CNTN5: variants seen among roughly 807,000 people sequenced by gnomAD.
CNTN5 encodes the protein contactin 5, also known as contactin-5.
CNTN5 carries 77 observed loss-of-function variants against 129.1 expected under a neutral mutation model. That is an observed-to-expected ratio of 0.60 (90% CI 0.50 to 0.72). The LOEUF is 0.72. Among genes scored for constraint, CNTN5 ranks in the 30% least tolerant of loss-of-function variants. The pLI is 0.00. For synonymous variants in CNTN5, 509 were observed against 465.6 expected, an observed-to-expected ratio of 1.09 and a Z score of -1.20; for missense variants, 1,478 against 1,328.8, an observed-to-expected ratio of 1.11 and a Z score of -1.75.
intron 1 of CNTN5, among the ~76,000 whole-genome samples, chr11:99,201,044 T>TTC (rs1859153031): frequency 6.9e-6 from 1 of 145,258 alleles, no homozygotes; most frequent in South Asian, 2.3e-4. Context: ...TTTTTTTTTT[T>TTC]TCCAGAGTCT....
At chr11:99,225,625 C>A (rs1860642685) in intron 1 of CNTN5, among the ~76,000 whole-genome samples, 1 of 152,142 alleles carries the variant, frequency 6.6e-6, no homozygotes, top group East Asian at 1.9e-4. Context: ...TAAATTCTCA[C>A]TACCAAATCT....
intron 21 of CNTN5, among the ~76,000 whole-genome samples, chr11:100,313,874 C>T (rs934459040): frequency 1.3e-5 from 2 of 151,898 alleles, no homozygotes; most frequent in African/African-American, 2.4e-5. Context: ...AGGAGTTGAC[C>T]AAAAAGAGGG....
intron 18 of CNTN5, among the ~76,000 whole-genome samples, chr11:100,275,303 C>T (rs1950485406): frequency 6.6e-6 from 1 of 152,156 alleles, no homozygotes; most frequent in African/African-American, 2.4e-5. Context: ...TACAGGTGTT[C>T]ATTAATTAAG....
intron 13 of CNTN5, among the ~76,000 whole-genome samples, chr11:100,133,013 T>C (rs1368015159): frequency 6.6e-6 from 1 of 152,098 alleles, no homozygotes; most frequent in Non-Finnish European, 1.5e-5. Flanking sequence ...TTTATAAAAA[T>C]AGCAGAACAG....
chr11:99,657,294 T>C (rs1057319388), intron 3 of CNTN5, among the ~76,000 whole-genome samples: 2 of 152,120 alleles, frequency 1.3e-5, no homozygotes, highest in Non-Finnish European at 2.9e-5. Context: ...ATAATGGATA[T>C]ATAGAATAGT....
chr11:99,470,565 C>A (rs1400109120), intron 2 of CNTN5, among the ~76,000 whole-genome samples: 1 of 152,018 alleles, frequency 6.6e-6, no homozygotes, highest in East Asian at 1.9e-4. Flanking sequence ...AGTAGAAAAT[C>A]TGAAAATAAT....
chr11:100,046,808 G>A (rs1179114299), intron 9 of CNTN5, among the ~76,000 whole-genome samples: 1 of 152,158 alleles, frequency 6.6e-6, no homozygotes, highest in Non-Finnish European at 1.5e-5. Flanking sequence ...ATATGGAACA[G>A]TTGTTGTCAT....
chr11:99,522,725 G>T (rs761896580), intron 2 of CNTN5, among the ~76,000 whole-genome samples: 4 of 152,116 alleles, frequency 2.6e-5, no homozygotes, highest in Non-Finnish European at 5.9e-5. Flanking sequence ...TACTTTTTAA[G>T]TTGTACATTC....
chr11:99,185,084 C>T (rs1435404486), intron 1 of CNTN5, among the ~76,000 whole-genome samples: 9 of 151,624 alleles, frequency 5.9e-5, no homozygotes, highest in African/African-American at 1.7e-4. Flanking sequence ...AACCAAGTTG[C>T]CCCATCTTTT....
chr11:100,181,276 G>A (rs1000660416), intron 13 of CNTN5, among the ~76,000 whole-genome samples: 1 of 149,080 alleles, frequency 6.7e-6, no homozygotes, highest in Non-Finnish European at 1.5e-5. Flanking sequence ...CCTCCAGGCA[G>A]GAAAGTAAAC....
At chr11:99,717,084 C>G (rs1315427886) in intron 3 of CNTN5, among the ~76,000 whole-genome samples, 1 of 151,958 alleles carries the variant, frequency 6.6e-6, no homozygotes, top group Non-Finnish European at 1.5e-5. Context: ...AGAATCGGAA[C>G]CCACAAATTG....
chr11:99,230,866 C>A (rs1471839820), intron 1 of CNTN5, among the ~76,000 whole-genome samples: 2 of 152,126 alleles, frequency 1.3e-5, no homozygotes, highest in Non-Finnish European at 2.9e-5. Flanking sequence ...CACGTGTTCT[C>A]ATTGTTTAGT....
chr11:99,732,731 A>G (rs956199976), intron 3 of CNTN5, among the ~76,000 whole-genome samples: 1 of 152,212 alleles, frequency 6.6e-6, no homozygotes, highest in African/African-American at 2.4e-5. Flanking sequence ...TAAAGTGGGA[A>G]TCACTGAAAA....
chr11:100,356,072 C>A (rs200435723), intron 24 of CNTN5, 45 bp from the exon 25 acceptor site: 3 of 1,380,006 alleles, frequency 2.2e-6, no homozygotes, highest in South Asian at 1.2e-5. Flanking sequence ...CTAGCTCAAG[C>A]AAAACCAAGA....
intron 9 of CNTN5, among the ~76,000 whole-genome samples, chr11:100,035,414 A>G (rs2137639063): frequency 6.8e-6 from 1 of 146,634 alleles, no homozygotes; most frequent in Non-Finnish European, 1.5e-5. Context: ...TATTGTGAAT[A>G]GTGCCGCAAT....
chr11:99,738,695 G>A (rs1361388198), intron 3 of CNTN5, among the ~76,000 whole-genome samples: 2 of 149,944 alleles, frequency 1.3e-5, no homozygotes, highest in Admixed American at 1.3e-4. Flanking sequence ...AGGAAGAAAT[G>A]TTGAGTGAGA....
rs75917371 is a variant in CNTN5 at position 99,086,573 on chromosome 11, T to C, written c.-210+65303T>C. On this transcript the variant is annotated intron_variant, in intron 1 of 24. Transcript: ENST00000524871. Reference sequence around the variant, plus strand: ...CTGAAAGAGAACTCACTTATCAGCATGATTCACTGGGCAGGGATTGATTTG... The same window carrying C: ...CTGAAAGAGAACTCACTTATCAGCACGATTCACTGGGCAGGGATTGATTTG... Among the ~76,000 whole-genome samples, 950 of 152,288 alleles carry C rather than the reference T, an allele frequency of 6.2e-3. 13 individuals carry two copies. Among genetic ancestry groups the C allele is most frequent in the African/African-American group, 0.022 (921 of 41,556 alleles).
At chr11:99,187,933 G>A (rs930817886) in intron 1 of CNTN5, among the ~76,000 whole-genome samples, 1 of 151,644 alleles carries the variant, frequency 6.6e-6, no homozygotes, top group Non-Finnish European at 1.5e-5. Flanking sequence ...ATCACTTTTT[G>A]ACTTTTCCTT....
chr11:100,296,736 A>G (rs949471020), intron 18 of CNTN5, among the ~76,000 whole-genome samples: 1 of 151,546 alleles, frequency 6.6e-6, no homozygotes, highest in African/African-American at 2.4e-5. Flanking sequence ...TGGTGTATAA[A>G]AGGCTGTGTG....
Sources: gnomAD v4.1 joint callset for allele counts (sites outside exome capture counted in the v4.1 genomes callset) on GRCh38, gnomAD v4.1.1 for gene constraint, MANE v1.5 for transcripts, NCBI Gene and HGNC (gene_info 2026-07-23, HGNC 2026-07-21) for gene names.